The following HSD17B12 variants were observed in gnomAD, a reference collection of about 807,000 sequenced individuals.
HSD17B12 encodes hydroxysteroid 17-beta dehydrogenase 12, also known as very-long-chain 3-oxoacyl-CoA reductase.
Under a neutral mutation model 39.3 loss-of-function variants are expected in HSD17B12, and 32 were observed. That is an observed-to-expected ratio of 0.81 (90% confidence interval 0.61 to 1.09). HSD17B12 has a LOEUF of 1.09. HSD17B12 is among the 50% of genes least tolerant of loss of function. HSD17B12 has a pLI of 0.00. For missense variants in HSD17B12, 342 were observed against 382.9 expected (o/e 0.89, Z 0.89); for synonymous variants, 150 against 146.7 (o/e 1.02, Z -0.16).
the HSD17B12 span, among the ~76,000 whole-genome samples, chr11:43,623,042 G>A: frequency 8.2e-3 from 1,252 of 152,032 alleles, 14 homozygotes; most frequent in Non-Finnish European, 0.012. Flanking sequence ...CAATTTTGTG[G>A]GCCTCAATAA....
At chr11:43,717,200 G>A (rs1048596031) in intron 1 of HSD17B12, among the ~76,000 whole-genome samples, 48 of 152,004 alleles carry the variant, frequency 3.2e-4, no homozygotes, top group African/African-American at 1.1e-3. Context: ...GCCTGTTTTT[G>A]TTCCTCTTAC....
chr11:43,608,214 A>C, the HSD17B12 span, among the ~76,000 whole-genome samples: 570 of 152,118 alleles, frequency 3.7e-3, 5 homozygotes, highest in African/African-American at 0.013. Flanking sequence ...AAAAGACAAA[A>C]AATTAGTCAG....
rs1297161820 is a variant in HSD17B12 at position 43,850,107 on chromosome 11, A to G, written c.685-4608A>G. Among the ~76,000 whole-genome samples, 6 of 152,258 alleles carry G rather than the reference A, an allele frequency of 3.9e-5. No individual in the cohort carries two copies. In the South Asian group the frequency reaches 1.2e-3, roughly 32 times the overall value. ...TATTGCAGGGCCTTTTTTCATTGCT[A>G]TATAACCAGGGATCTCTGCACCAGC... On this transcript the variant is annotated intron_variant, in intron 9 of 10. Transcript: ENST00000278353.
the HSD17B12 span, among the ~76,000 whole-genome samples, chr11:43,667,119 C>T: frequency 6.6e-6 from 1 of 152,044 alleles, no homozygotes; most frequent in African/African-American, 2.4e-5. Context: ...ATAACTGATA[C>T]ACTATATAGT....
chr11:43,775,503 A>C (rs1389966873), intron 3 of HSD17B12, among the ~76,000 whole-genome samples: 1 of 151,404 alleles, frequency 6.6e-6, no homozygotes, highest in African/African-American at 2.4e-5. Flanking sequence ...TTAAGTTTCA[A>C]CTCTTTTGTG....
At chr11:43,786,080 T>C (rs183883609) in intron 3 of HSD17B12, among the ~76,000 whole-genome samples, 107 of 152,342 alleles carry the variant, frequency 7.0e-4, no homozygotes, top group African/African-American at 2.5e-3. Context: ...AGTGACAAAC[T>C]AACCTCATTC....
At chr11:43,619,183 AATAT>A in the HSD17B12 span, among the ~76,000 whole-genome samples, 1 of 75,596 alleles carries the variant, frequency 1.3e-5, no homozygotes, top group African/African-American at 4.7e-5. Flanking sequence ...ATATATATAA[AATAT>A]ATATATATAT....
At chr11:43,658,130 C>CTTGATTTCA in the HSD17B12 span, among the ~76,000 whole-genome samples, 1 of 152,302 alleles carries the variant, frequency 6.6e-6, no homozygotes, top group Admixed American at 6.5e-5. Context: ...TCTCTTCACG[C>CTTGATTTCA]TTCATTTCAT....
rs759354066 is a variant in HSD17B12, at chr11:43,840,040, T to C, written c.660T>C (p.Tyr220=). The change falls in exon 9 of 11, where the codon TAT becomes TAC. Residue 220 remains tyrosine (Y), a synonymous_variant. Transcript: ENST00000278353. ...TCTCTCAGTGCCTCCATGAGGAGTA[T>C]AGGAGCAAGGGCGTCTTTGTGCAGG... ...DFFSQCLHEE[Y]RSKGVFVQSV... 13 of 1,612,746 alleles carry C rather than the reference T, an allele frequency of 8.1e-6. No individual in the cohort carries two copies. The South Asian group carries it at 9.9e-5, about 12-fold the overall frequency.
chr11:43,740,831 T>C (rs945556709), intron 1 of HSD17B12, among the ~76,000 whole-genome samples: 1 of 152,196 alleles, frequency 6.6e-6, no homozygotes, highest in African/African-American at 2.4e-5. Flanking sequence ...CAGGCCACAA[T>C]ATGCTGGGTT....
the HSD17B12 span, chr11:43,579,476 T>G: frequency 6.6e-6 from 1 of 152,096 alleles, no homozygotes; most frequent in Admixed American, 6.5e-5. Flanking sequence ...CTGGCTGCAG[T>G]GCGGACGGGA....
At chr11:43,603,925 T>C in the HSD17B12 span, among the ~76,000 whole-genome samples, 2 of 152,194 alleles carry the variant, frequency 1.3e-5, no homozygotes, top group African/African-American at 4.8e-5. Context: ...TATAATCTGT[T>C]AATACAGAAC....
intron 3 of HSD17B12, among the ~76,000 whole-genome samples, chr11:43,795,024 G>GA (rs35662338): frequency 0.23 from 34,293 of 151,604 alleles, 4,125 homozygotes; most frequent in Middle Eastern, 0.37. Context: ...GTGGTTTTAT[G>GA]AAAAAAAACA....
At chr11:43,855,082 T>C in intron 10 of HSD17B12, 62 bp from the exon 11 acceptor site, 1 of 1,233,574 alleles carries the variant, frequency 8.1e-7, no homozygotes, top group Middle Eastern at 1.9e-4. Flanking sequence ...TTAAATCATA[T>C]GCTTCAATTT....
At chr11:43,593,137 G>A in the HSD17B12 span, among the ~76,000 whole-genome samples, 5,191 of 152,166 alleles carry the variant, frequency 0.034, 317 homozygotes, top group African/African-American at 0.12. Context: ...ATGTGCACAT[G>A]CACATATACT....
chr11:43,813,282 A>AT (rs544793048), intron 4 of HSD17B12, among the ~76,000 whole-genome samples: 27 of 152,154 alleles, frequency 1.8e-4, no homozygotes, highest in Non-Finnish European at 3.2e-4. Flanking sequence ...AAGTTCCTAG[A>AT]TTTTTTTTAA....
chr11:43,782,901 A>G (rs1449100658), intron 3 of HSD17B12, among the ~76,000 whole-genome samples: 1 of 152,200 alleles, frequency 6.6e-6, no homozygotes, highest in Non-Finnish European at 1.5e-5. Context: ...CAGTACTGGG[A>G]CAAATCAAAA....
the HSD17B12 span, among the ~76,000 whole-genome samples, chr11:43,652,857 T>G: frequency 6.6e-6 from 1 of 152,062 alleles, no homozygotes; most frequent in East Asian, 1.9e-4. Context: ...GAGGACTGTG[T>G]GGAAATATGA....
chr11:43,617,723 A>G, the HSD17B12 span, among the ~76,000 whole-genome samples: 1 of 152,148 alleles, frequency 6.6e-6, no homozygotes, highest in African/African-American at 2.4e-5. Flanking sequence ...GAACAGGGTC[A>G]TAAGTAGTGC....
Sources: gnomAD v4.1 joint callset for allele counts (sites outside exome capture counted in the v4.1 genomes callset) on GRCh38, gnomAD v4.1.1 for gene constraint, MANE v1.5 for transcripts, NCBI Gene and HGNC (gene_info 2026-07-23, HGNC 2026-07-21) for gene names.